The following ASIP variants were observed in gnomAD, a reference collection of about 807,000 sequenced individuals.
The protein encoded by ASIP is agouti-signaling protein.
ASIP carries 11 observed loss-of-function variants against 10.3 expected under a neutral mutation model. The ratio of observed to expected loss-of-function variants is 1.07; its 90% CI spans 0.68 to 1.78. ASIP has a LOEUF of 1.78. ASIP is among the 40% of genes most tolerant of loss of function. The pLI is 0.00. For synonymous variants in ASIP, 70 were observed against 70.8 expected (o/e 0.99, Z 0.06); for missense variants, 180 against 169.2 (o/e 1.06, Z -0.35).
At chr20:34,194,023 A>G (rs1175316015), upstream of ASIP, among the ~76,000 whole-genome samples, 1 of 152,170 alleles carries the variant, frequency 6.6e-6, no homozygotes, top group Non-Finnish European at 1.5e-5. Flanking sequence ...AGAAAAACAG[A>G]TATCCCCAAG....
At chr20:34,263,456 T>G (rs531996705) in intron 3 of ASIP, among the ~76,000 whole-genome samples, 1 of 151,910 alleles carries the variant, frequency 6.6e-6, no homozygotes, top group South Asian at 2.1e-4. Context: ...TCCCAGCTAC[T>G]TGGGAGGCTG....
intron 1 of ASIP, among the ~76,000 whole-genome samples, chr20:34,200,953 T>C (rs1167665633): frequency 9.7e-6 from 1 of 103,092 alleles, no homozygotes; most frequent in African/African-American, 9.4e-5. Context: ...CTTGATTTTC[T>C]TTCTTTCTTT....
At chr20:34,215,263 C>T in intron 1 of ASIP, 2 of 1,548,366 alleles carry the variant, frequency 1.3e-6, no homozygotes, top group Non-Finnish European at 1.8e-6. Flanking sequence ...GACATAAGCC[C>T]CAACTACTTC....
chr20:34,250,953 A>G (rs1239623281), intron 1 of ASIP, among the ~76,000 whole-genome samples: 3 of 152,096 alleles, frequency 2.0e-5, no homozygotes, highest in Non-Finnish European at 2.9e-5. Context: ...CTCAGGGATG[A>G]TCTCAACACT....
chr20:34,227,220 TA>T (rs1312471211), intron 1 of ASIP, among the ~76,000 whole-genome samples: 4 of 152,230 alleles, frequency 2.6e-5, no homozygotes, highest in East Asian at 3.9e-4. Flanking sequence ...ATTGACGTGT[TA>T]AAAAATGCCA....
chr20:34,239,128 C>T (rs1384257473), upstream of ASIP, among the ~76,000 whole-genome samples: 1 of 152,140 alleles, frequency 6.6e-6, no homozygotes, highest in Admixed American at 6.5e-5. Context: ...GCTTTCTTTC[C>T]CTGCTTTTTC....
intron 1 of ASIP, among the ~76,000 whole-genome samples, chr20:34,216,088 T>G (rs2035006347): frequency 6.6e-6 from 1 of 152,252 alleles, no homozygotes; most frequent in Non-Finnish European, 1.5e-5. Flanking sequence ...GCCGTAGTCC[T>G]CTGCCACGAC....
intron 1 of ASIP, among the ~76,000 whole-genome samples, chr20:34,248,777 G>A (rs1402476611): frequency 6.6e-6 from 1 of 152,124 alleles, no homozygotes; most frequent in African/African-American, 2.4e-5. Context: ...TCCAGCCTGG[G>A]TGACAGAGCA....
rs972007138 is a variant in ASIP, at chr20:34,208,114, T to C, written c.-11+13354T>C. 8.5e-5 allele frequency among the ~76,000 whole-genome samples: 13 copies of C among 152,320 alleles called. No homozygotes were observed. The East Asian group carries it at 9.7e-4, about 11-fold the overall frequency. ...TATTAAAGAGTTGACTGTAAATGTATAGATTTGTTTCCGGGTTTTCTATTC... is the reference window on the plus strand; with the variant it reads ...TATTAAAGAGTTGACTGTAAATGTACAGATTTGTTTCCGGGTTTTCTATTC... On this transcript the variant is annotated intron_variant, in intron 1 of 3. Coordinates refer to the ASIP transcript ENST00000568305.
At chr20:34,213,705 A>C (rs1460122404) in intron 1 of ASIP, 2 of 1,525,666 alleles carry the variant, frequency 1.3e-6, no homozygotes, top group Middle Eastern at 1.7e-4. Context: ...GGATGAACGG[A>C]AAAACTTCTT....
intron 1 of ASIP, among the ~76,000 whole-genome samples, chr20:34,253,086 A>G (rs914379160): frequency 6.6e-6 from 1 of 152,072 alleles, no homozygotes; most frequent in Non-Finnish European, 1.5e-5. Flanking sequence ...TAGACACAGT[A>G]ACAACCTGAT....
chr20:34,254,774 T>G (rs1490273944), intron 1 of ASIP, among the ~76,000 whole-genome samples: 2 of 152,204 alleles, frequency 1.3e-5, no homozygotes. Context: ...CCAAGAATCC[T>G]AATACAACTA....
upstream of ASIP, among the ~76,000 whole-genome samples, chr20:34,193,483 TC>T (rs1376633721): frequency 6.6e-6 from 1 of 152,148 alleles, no homozygotes; most frequent in Non-Finnish European, 1.5e-5. Context: ...TGTTATCTTA[TC>T]AAGCAAGGTG....
chr20:34,190,070 C>A (rs541286152), upstream of ASIP, among the ~76,000 whole-genome samples: 49 of 152,326 alleles, frequency 3.2e-4, no homozygotes, highest in African/African-American at 1.2e-3. Context: ...CAGCTATGCT[C>A]TTCACCAATA....
At chr20:34,268,944 A>C (rs1177610572) in intron 3 of ASIP, 47 bp from the exon 4 acceptor site, 1 of 1,559,634 alleles carries the variant, frequency 6.4e-7, no homozygotes, top group Non-Finnish European at 8.7e-7. Flanking sequence ...TGAGGACCGG[A>C]GGGGTGGGCG....
At chr20:34,199,517 G>A (rs1365905400) in intron 1 of ASIP, among the ~76,000 whole-genome samples, 1 of 152,190 alleles carries the variant, frequency 6.6e-6, no homozygotes, top group African/African-American at 2.4e-5. Context: ...TTTGATGGGT[G>A]TATAGTGGAA....
intron 1 of ASIP, chr20:34,214,176 A>G (rs549941141): frequency 3.1e-5 from 38 of 1,237,934 alleles, no homozygotes; most frequent in African/African-American, 1.6e-4. Context: ...AATATCCTCA[A>G]TGAAAGGATT....
intron 2 of ASIP, 85 bp from the exon 3 acceptor site, chr20:34,262,747 C>T (rs984618406): frequency 4.3e-5 from 64 of 1,502,910 alleles, no homozygotes; most frequent in Non-Finnish European, 5.8e-5. Context: ...TTGTGACTTC[C>T]CAAGCCCCCT....
intron 1 of ASIP, among the ~76,000 whole-genome samples, chr20:34,199,738 C>T (rs2034880878): frequency 6.6e-6 from 1 of 152,146 alleles, no homozygotes; most frequent in African/African-American, 2.4e-5. Context: ...TTGCAAATAT[C>T]ATCTCCCACA....
Sources: gnomAD v4.1 joint callset for allele counts (sites outside exome capture counted in the v4.1 genomes callset) on GRCh38, gnomAD v4.1.1 for gene constraint, MANE v1.5 for transcripts, NCBI Gene and HGNC (gene_info 2026-07-23, HGNC 2026-07-21) for gene names.